CHN1: variants seen among roughly 807,000 people sequenced by gnomAD.
CHN1 encodes N-chimaerin.
Under a neutral mutation model 59.5 loss-of-function variants are expected in CHN1, and 37 were observed. The ratio of observed to expected loss-of-function variants is 0.62; its 90% confidence interval spans 0.48 to 0.82. CHN1 has a LOEUF of 0.82. CHN1 is among the 40% of genes least tolerant of loss of function. The pLI, the probability that CHN1 is intolerant of heterozygous loss-of-function variation, is 0.00. For synonymous variants in CHN1, 206 were observed against 200.4 expected (o/e 1.03, Z -0.24); for missense variants, 469 against 571.0 (o/e 0.82, Z 1.82).
intron 1 of CHN1, among the ~76,000 whole-genome samples, chr2:174,989,195 G>C (rs943528487): frequency 6.6e-6 from 1 of 151,690 alleles, no homozygotes; most frequent in African/African-American, 2.4e-5. Context: ...GGCCAACATG[G>C]TGAAACCCCG....
chr2:174,893,480 T>C (rs1414971955), intron 5 of CHN1, among the ~76,000 whole-genome samples: 1 of 152,102 alleles, frequency 6.6e-6, no homozygotes, highest in Non-Finnish European at 1.5e-5. Context: ...CACAAATAAA[T>C]GCGAAGATAC....
At chr2:174,967,951 T>C (rs145460274) in intron 1 of CHN1, among the ~76,000 whole-genome samples, 1 of 152,300 alleles carries the variant, frequency 6.6e-6, no homozygotes, top group Non-Finnish European at 1.5e-5. Flanking sequence ...GTATTTAAAG[T>C]AGTGTGTTTA....
chr2:174,957,843 G>A (rs923074037), intron 1 of CHN1, among the ~76,000 whole-genome samples: 2 of 152,062 alleles, frequency 1.3e-5, no homozygotes, highest in Non-Finnish European at 1.5e-5. Flanking sequence ...TGTTTGCCTG[G>A]GGCCAGCCAG....
intron 3 of CHN1, among the ~76,000 whole-genome samples, chr2:174,920,719 C>T (rs1688990976): frequency 6.6e-6 from 1 of 152,172 alleles, no homozygotes; most frequent in African/African-American, 2.4e-5. Context: ...TGATCCCCAA[C>T]ATTTTTGGCA....
At chr2:174,833,104 G>C (rs1685936102) in intron 7 of CHN1, among the ~76,000 whole-genome samples, 1 of 152,060 alleles carries the variant, frequency 6.6e-6, no homozygotes, top group African/African-American at 2.4e-5. Context: ...GTATCCTGCT[G>C]TTGTTGAGTG....
intron 1 of CHN1, among the ~76,000 whole-genome samples, chr2:174,973,255 A>G (rs1274656167): frequency 6.6e-6 from 1 of 152,222 alleles, no homozygotes; most frequent in Non-Finnish European, 1.5e-5. Context: ...ATGCAGAACT[A>G]TCATGACAAC....
At chr2:174,971,874 A>C (rs1452805594) in intron 1 of CHN1, among the ~76,000 whole-genome samples, 1 of 152,218 alleles carries the variant, frequency 6.6e-6, no homozygotes, top group African/African-American at 2.4e-5. Flanking sequence ...GGCAATAAGA[A>C]GAAGCCAAAA....
chr2:174,982,137 T>C (rs1691174639), intron 1 of CHN1, among the ~76,000 whole-genome samples: 1 of 152,230 alleles, frequency 6.6e-6, no homozygotes, highest in Admixed American at 6.5e-5. Flanking sequence ...TCATCATTTT[T>C]TATGACTGCA....
At chr2:174,954,592 A>G (rs1037091791) in intron 1 of CHN1, among the ~76,000 whole-genome samples, 1 of 152,176 alleles carries the variant, frequency 6.6e-6, no homozygotes, top group African/African-American at 2.4e-5. Flanking sequence ...CAAACAAATC[A>G]GCAAGAACAA....
chr2:174,952,585 C>G (rs1276172184), intron 1 of CHN1, among the ~76,000 whole-genome samples: 3 of 152,120 alleles, frequency 2.0e-5, no homozygotes, highest in Non-Finnish European at 4.4e-5. Flanking sequence ...GTCAAATTCA[C>G]CAGATTAATC....
chr2:174,945,942 T>TATATATAA (rs1176610460), intron 2 of CHN1, among the ~76,000 whole-genome samples: 1 of 151,532 alleles, frequency 6.6e-6, no homozygotes, highest in African/African-American at 2.4e-5. Context: ...TATATATATA[T>TATATATAA]AAATGTGTGT....
At chr2:174,919,231 A>G (rs1352138310) in intron 3 of CHN1, among the ~76,000 whole-genome samples, 1 of 152,226 alleles carries the variant, frequency 6.6e-6, no homozygotes, top group Non-Finnish European at 1.5e-5. Flanking sequence ...CAGACAGACA[A>G]TAAAGAAGCT....
rs1201864415 is a variant in CHN1 at position 174,907,658 on chromosome 2, T to TA, written c.260+7399dup. Among the ~76,000 whole-genome samples, 640 of 146,826 alleles carry TA rather than the reference T, an allele frequency of 4.4e-3. 7 individuals carry two copies. The highest frequency in any genetic ancestry group is 0.015 in the African/African-American group (593 of 40,072). ...TTTGTAAAATGATACATGTGCACTG[T>TA]AAAAAAAAAATCAGGTAACTCAAAA... On this transcript the variant is annotated intron_variant, in intron 5 of 12. Coordinates refer to ENST00000409900, the MANE Select transcript of CHN1 (RefSeq NM_001822.7).
At position 174,920,473 on chromosome 2, in the gene CHN1, C is replaced by CA. The variant is rs1688983863; in HGVS notation, c.115-1909dup. The stretch of plus-strand genomic sequence containing the variant: ...AATTAGGATTCTTACTCAAAAATGG[C>CA]AAAAAGGGAAAAAGCCCTCTGTCTA... On this transcript the variant is annotated intron_variant, in intron 3 of 12. Transcript: ENST00000409900. 1.1e-4 allele frequency among the ~76,000 whole-genome samples: 16 copies of CA among 151,914 alleles called. No individual in the cohort carries two copies. In the South Asian group the frequency reaches 3.3e-3, roughly 32 times the overall value.
chr2:174,942,030 G>A (rs1410469446), intron 3 of CHN1, among the ~76,000 whole-genome samples: 1 of 152,194 alleles, frequency 6.6e-6, no homozygotes, highest in African/African-American at 2.4e-5. Context: ...CAAAGATGCA[G>A]AGAAAAGGGA....
chr2:174,812,622 G>A, intron 8 of CHN1, 140 bp from the exon 9 acceptor site: 4 of 657,938 alleles, frequency 6.1e-6, no homozygotes, highest in South Asian at 2.4e-5. Flanking sequence ...CTTTCTTGGT[G>A]GAAAAACAAT....
intron 7 of CHN1, among the ~76,000 whole-genome samples, chr2:174,844,438 A>C (rs1446587851): frequency 1.3e-5 from 2 of 152,228 alleles, no homozygotes; most frequent in Non-Finnish European, 2.9e-5. Flanking sequence ...GCAGTATTAC[A>C]TAACAAGGCA....
intron 5 of CHN1, among the ~76,000 whole-genome samples, chr2:174,889,881 ATGTGTGTG>A (rs111371037): frequency 6.7e-6 from 1 of 149,288 alleles, no homozygotes; most frequent in Non-Finnish European, 1.5e-5. Context: ...ATAAATAAAT[ATGTGTGTG>A]TGTGTGTGTG....
At chr2:174,958,749 G>T (rs934651386) in intron 1 of CHN1, among the ~76,000 whole-genome samples, 1 of 152,138 alleles carries the variant, frequency 6.6e-6, no homozygotes, top group Admixed American at 6.5e-5. Flanking sequence ...TTGTTGTTGA[G>T]AATTAAATTA....
Sources: gnomAD v4.1 joint callset for allele counts (sites outside exome capture counted in the v4.1 genomes callset) on GRCh38, gnomAD v4.1.1 for gene constraint, MANE v1.5 for transcripts, NCBI Gene and HGNC (gene_info 2026-07-23, HGNC 2026-07-21) for gene names.